Variants in CETP observed in about 807,000 individuals in gnomAD.
CETP encodes BPI fold containing family F.
In CETP, 56 loss-of-function variants were observed where a neutral mutation model predicts 66.5. The ratio of observed to expected loss-of-function variants is 0.84; its 90% CI spans 0.68 to 1.05. CETP has a LOEUF of 1.05. Ranked by LOEUF, CETP falls within the 50% of genes least tolerant of loss-of-function variation. The probability of loss-of-function intolerance (pLI) is 0.00; values close to 1 mark genes in which losing one functional copy is unlikely to be tolerated. For synonymous variants in CETP, 251 were observed against 245.7 expected (o/e 1.02, Z -0.20); for missense variants, 612 against 609.6 (o/e 1.00, Z -0.04).
chr16:56,978,001 G>A, intron 10 of CETP, 90 bp from the exon 11 acceptor site: 1 of 1,528,162 alleles, frequency 6.5e-7, no homozygotes, highest in Non-Finnish European at 8.9e-7. Context: ...GGGGCCCGGA[G>A]CCAGCTTTGT....
chr16:56,962,042 C>T lies in CETP; in HGVS notation c.63C>T (p.Gly21=). The T allele has an allele frequency of 6.2e-7, 1 of 1,614,176 alleles. No individual in the cohort carries two copies. Among genetic ancestry groups the T allele is most frequent in the Non-Finnish European group, 8.5e-7 (1 of 1,180,042 alleles). ...GCAATGCCCATGCCTGCTCCAAAGGCACCTCGCACGAGGCAGGCATCGTGT... is the reference window on the plus strand; with the variant it reads ...GCAATGCCCATGCCTGCTCCAAAGGTACCTCGCACGAGGCAGGCATCGTGT... ...LLGNAHACSK[G]TSHEAGIVCR... The change falls in exon 1 of 16, where the codon GGC becomes GGT. Residue 21 remains glycine (G), a synonymous_variant. Coordinates refer to ENST00000200676, the MANE Select transcript of CETP (RefSeq NM_000078.3).
chr16:56,982,840 G>T (rs1459953870), intron 14 of CETP, among the ~76,000 whole-genome samples: 1 of 152,168 alleles, frequency 6.6e-6, no homozygotes, highest in African/African-American at 2.4e-5. Context: ...AGGAGAGGAA[G>T]GGCGTGGAAA....
In CETP at chr16:56,973,332, G is replaced by T. The variant is rs144460063; in HGVS notation, c.752G>T (p.Gly251Val). 1.3e-4 allele frequency: 212 copies of T among 1,614,042 alleles called. No homozygotes were observed. Among genetic ancestry groups the T allele is most frequent in the Non-Finnish European group, 1.7e-4 (196 of 1,180,030 alleles). Residue 251 changes from glycine to valine, a missense_variant and splice_region_variant, in exon 9 of 16, where the codon GGT becomes GTT. Transcript: ENST00000200676. ...AGCCAGCGTCCTGGCTTCCTCCAGG[G>T]TCATTTCATCTACAAGAATGTCTCA... Reference protein sequence around the residue: ...TASYLESHHKGHFIYKNVSED... With the variant: ...TASYLESHHKVHFIYKNVSED...
intron 2 of CETP, among the ~76,000 whole-genome samples, chr16:56,964,314 A>G (rs1428941573): frequency 1.3e-5 from 2 of 152,186 alleles, no homozygotes; most frequent in Non-Finnish European, 2.9e-5. Context: ...GGCGTGAGCC[A>G]CAGCGTCCGG....
intron 11 of CETP, among the ~76,000 whole-genome samples, chr16:56,978,742 T>C (rs1177501779): frequency 6.6e-6 from 1 of 152,202 alleles, no homozygotes; most frequent in Admixed American, 6.5e-5. Flanking sequence ...TGCCTTGGCC[T>C]CCTAAGTTGC....
intron 1 of CETP, 140 bp from the exon 2 acceptor site, chr16:56,962,870 G>A: frequency 2.8e-6 from 2 of 724,156 alleles, no homozygotes; most frequent in Admixed American, 2.0e-5. Context: ...CCAGAGGGAG[G>A]CCCAGTCCAA....
Position 56,970,005 on chromosome 16 carries a change from A to G in CETP, c.527+4A>G, listed in dbSNP as rs778396826. ...TGCATCTCCAAGGGGAGCGAGAGTAAGTACACCACCCTGTGGCCCCCATTC... is the reference window on the plus strand; with the variant it reads ...TGCATCTCCAAGGGGAGCGAGAGTAGGTACACCACCCTGTGGCCCCCATTC... On this transcript the variant is annotated splice_donor_region_variant and intron_variant, in intron 5 of 15. Transcript: ENST00000200676. 2.2e-5 allele frequency: 35 copies of G among 1,612,974 alleles called. No individual in the cohort carries two copies. The South Asian group carries it at 3.4e-4, about 16-fold the overall frequency.
intron 2 of CETP, among the ~76,000 whole-genome samples, chr16:56,963,343 C>T (rs548689712): frequency 1.8e-4 from 28 of 152,336 alleles, no homozygotes; most frequent in African/African-American, 6.7e-4. Flanking sequence ...CCAACAGCCC[C>T]TCTAAGAGTC....
rs781657477 is a variant in CETP, at chr16:56,964,225, C to T, written c.233+1101C>T. Among the ~76,000 whole-genome samples the T allele has an allele frequency of 3.1e-4, 47 of 151,006 alleles. 1 individual carries two copies. In the Middle Eastern group the frequency reaches 0.024, roughly 78 times the overall value. On this transcript the variant is annotated intron_variant, in intron 2 of 15. Transcript: ENST00000200676. Reference sequence around the variant, plus strand: ...TATTCTTAGTAGAGACGGGGTTTCACCATGTTGACCTGGTTGGTCTTAAAC... The same window carrying T: ...TATTCTTAGTAGAGACGGGGTTTCATCATGTTGACCTGGTTGGTCTTAAAC...
chr16:56,963,266 A>C, intron 2 of CETP, 142 bp downstream of exon 2: 1 of 694,346 alleles, frequency 1.4e-6, no homozygotes, highest in Non-Finnish European at 2.6e-6. Context: ...AGAGCCTGAC[A>C]CCTTCCCTAC....
At chr16:56,973,783 G>T (rs1174173691) in intron 9 of CETP, among the ~76,000 whole-genome samples, 1 of 152,232 alleles carries the variant, frequency 6.6e-6, no homozygotes, top group African/African-American at 2.4e-5. Context: ...CCGGGAGCAT[G>T]GGTAAGACTC....
intron 11 of CETP, among the ~76,000 whole-genome samples, chr16:56,980,779 G>C (rs539995225): frequency 6.6e-6 from 1 of 152,066 alleles, no homozygotes; most frequent in Admixed American, 6.6e-5. Context: ...AAAATTAGCC[G>C]GACATGGTGG....
chr16:56,979,112 C>G (rs959666170), intron 11 of CETP, among the ~76,000 whole-genome samples: 10 of 152,246 alleles, frequency 6.6e-5, no homozygotes, highest in African/African-American at 2.4e-4. Context: ...CAGGCATGAG[C>G]CACCACGCCC....
At chr16:56,981,393 G>A (rs748998989) in intron 12 of CETP, among the ~76,000 whole-genome samples, 168 bp downstream of exon 12, 6 of 152,200 alleles carry the variant, frequency 3.9e-5, no homozygotes, top group Non-Finnish European at 7.3e-5. Context: ...AATCTTCGTG[G>A]GGAAGAAGGG....
rs768595103 is a variant in CETP at position 56,982,205 on chromosome 16, T to C, written c.1289T>C (p.Ile430Thr). ...ESVQSFLQSM[I>T]TAVGIPEVMS... Reference sequence around the variant, plus strand: ...GTCCAGAGCTTCCTGCAGTCAATGATCACCGCTGTGGGCATCCCTGAGGTC... The same window carrying C: ...GTCCAGAGCTTCCTGCAGTCAATGACCACCGCTGTGGGCATCCCTGAGGTC... Residue 430 changes from isoleucine (I) to threonine (T), a missense_variant, in exon 14 of 16, where the codon ATC (isoleucine) becomes ACC (threonine). Coordinates refer to ENST00000200676, the MANE Select transcript of CETP (RefSeq NM_000078.3). The C allele has an allele frequency of 1.2e-6, 2 of 1,614,144 alleles. No individual in the cohort carries two copies. The highest frequency in any genetic ancestry group is 8.5e-7 in the Non-Finnish European group (1 of 1,180,018).
Position 56,970,889 on chromosome 16 carries a change from C to G in CETP, c.528-144C>G, listed in dbSNP as rs1329078378. The G allele has an allele frequency of 2.2e-5, 17 of 783,612 alleles. No individual in the cohort carries two copies. The Admixed American group carries it at 3.4e-4, about 16-fold the overall frequency. The allele number at this position is 783,612 out of a possible 1,614,324, so 48.5% of individuals were successfully genotyped here. On this transcript the variant is annotated intron_variant, in intron 5 of 15. Transcript: ENST00000200676. Reference sequence around the variant, plus strand: ...TGGGTCTGAGGCTCCGTGTTCTCAGCTGCAAAATGGGAGTGATAATTCTTA... The same window carrying G: ...TGGGTCTGAGGCTCCGTGTTCTCAGGTGCAAAATGGGAGTGATAATTCTTA...
chr16:56,977,665 CT>C (rs571080838), intron 10 of CETP, among the ~76,000 whole-genome samples: 142 of 152,296 alleles, frequency 9.3e-4, no homozygotes, highest in African/African-American at 3.4e-3. Context: ...ATCCCCACCC[CT>C]AGCCCAGCTG....
intron 14 of CETP, among the ~76,000 whole-genome samples, chr16:56,982,470 G>A (rs2056195903): frequency 6.6e-6 from 1 of 152,240 alleles, no homozygotes; most frequent in Non-Finnish European, 1.5e-5. Context: ...GCCACCCCGC[G>A]GGATGGCTCA....
At chr16:56,970,939 C>A in intron 5 of CETP, 94 bp from the exon 6 acceptor site, 1 of 1,172,830 alleles carries the variant, frequency 8.5e-7, no homozygotes, top group Non-Finnish European at 1.3e-6. Flanking sequence ...AGAGTCAGGG[C>A]CAACAGAGCC....
Sources: allele counts gnomAD v4.1 joint callset (sites outside exome capture counted in the v4.1 genomes callset), GRCh38; gene constraint gnomAD v4.1.1; transcripts MANE v1.5; gene names NCBI Gene and HGNC (gene_info 2026-07-23, HGNC 2026-07-21).